The following PACSIN2 variants were observed in gnomAD, a reference collection of about 807,000 sequenced individuals.
The protein encoded by PACSIN2 is protein kinase C and casein kinase substrate in neurons protein 2.
Under a neutral mutation model 63.8 loss-of-function variants are expected in PACSIN2, and 25 were observed. That is an observed-to-expected ratio of 0.39 (90% confidence interval 0.29 to 0.55). The LOEUF is 0.55. Among genes scored for constraint, PACSIN2 ranks in the 20% least tolerant of loss-of-function variants. PACSIN2 has a pLI of 0.62. For missense variants in PACSIN2, 518 were observed against 646.9 expected (o/e 0.80, Z 2.16); for synonymous variants, 255 against 256.2 (o/e 1.00, Z 0.05).
intron 1 of PACSIN2, among the ~76,000 whole-genome samples, chr22:42,955,137 T>A (rs1933859568): frequency 6.6e-6 from 1 of 152,166 alleles, no homozygotes; most frequent in Admixed American, 6.5e-5. Flanking sequence ...CTCACCACCC[T>A]GCTGCTTAGA....
chr22:42,998,379 C>T (rs1450719176), intron 1 of PACSIN2, among the ~76,000 whole-genome samples: 4 of 152,154 alleles, frequency 2.6e-5, no homozygotes. Context: ...GCCACACTGG[C>T]CTCCATCTCC....
chr22:42,910,455 G>T (rs977387768), intron 2 of PACSIN2, among the ~76,000 whole-genome samples: 6 of 152,156 alleles, frequency 3.9e-5, no homozygotes, highest in Admixed American at 2.0e-4. Context: ...AGCCTCTCTG[G>T]GGGGGCCAGC....
Position 42,898,421 on chromosome 22 carries a change from G to A in PACSIN2, c.61-4808C>T, listed in dbSNP as rs553382873. Among the ~76,000 whole-genome samples, 41 of 152,054 alleles carry A rather than the reference G, an allele frequency of 2.7e-4. 1 individual carries two copies. Among genetic ancestry groups the A allele is most frequent in the African/African-American group, 6.3e-4 (26 of 41,450 alleles). ...CGAGTAGCTGGGATTACAGACATGC[G>A]CCACCACGCCCAGCTAATTTTGTAT... On this transcript the variant is annotated intron_variant, in intron 2 of 10. Coordinates refer to ENST00000263246, the MANE Select transcript of PACSIN2 (RefSeq NM_001184970.3).
At chr22:42,957,705 T>C (rs1347137325) in intron 1 of PACSIN2, among the ~76,000 whole-genome samples, 1 of 152,228 alleles carries the variant, frequency 6.6e-6, no homozygotes, top group Non-Finnish European at 1.5e-5. Context: ...AGAGTCAGTA[T>C]TCCCTTATAG....
chr22:42,925,043 C>T (rs1392823078), intron 1 of PACSIN2, among the ~76,000 whole-genome samples: 4 of 151,998 alleles, frequency 2.6e-5, no homozygotes, highest in Non-Finnish European at 5.9e-5. Context: ...TGCGTCCGGC[C>T]CCAGTGAGAA....
chr22:43,003,870 G>A (rs941838661), intron 1 of PACSIN2, among the ~76,000 whole-genome samples: 1 of 152,126 alleles, frequency 6.6e-6, no homozygotes, highest in African/African-American at 2.4e-5. Flanking sequence ...CATGGGGTGG[G>A]TGTACCAGCG....
At chr22:42,917,835 G>T (rs879870438) in intron 1 of PACSIN2, among the ~76,000 whole-genome samples, 1 of 151,718 alleles carries the variant, frequency 6.6e-6, no homozygotes, top group Non-Finnish European at 1.5e-5. Context: ...ATGTTGCCCC[G>T]GCTGGCCTTT....
At chr22:42,952,219 G>A (rs1452889888) in intron 1 of PACSIN2, among the ~76,000 whole-genome samples, 2 of 152,164 alleles carry the variant, frequency 1.3e-5, no homozygotes, top group Non-Finnish European at 2.9e-5. Flanking sequence ...AACACAACTA[G>A]AATGAATGAG....
intron 1 of PACSIN2, among the ~76,000 whole-genome samples, chr22:42,915,105 C>T (rs901561567): frequency 1.3e-5 from 2 of 152,148 alleles, no homozygotes; most frequent in Non-Finnish European, 2.9e-5. Context: ...TGGGCTCAAG[C>T]GTTCCTCCTG....
intron 1 of PACSIN2, among the ~76,000 whole-genome samples, chr22:42,918,319 G>A (rs1317034498): frequency 6.6e-6 from 1 of 152,160 alleles, no homozygotes; most frequent in Non-Finnish European, 1.5e-5. Flanking sequence ...ATTGCCTGGA[G>A]TCTGCCATGT....
At chr22:43,002,595 A>T (rs1305865180) in intron 1 of PACSIN2, among the ~76,000 whole-genome samples, 1 of 152,004 alleles carries the variant, frequency 6.6e-6, no homozygotes, top group Admixed American at 6.6e-5. Context: ...CCATTTTTTC[A>T]CCCAAAAAAT....
intron 1 of PACSIN2, among the ~76,000 whole-genome samples, chr22:42,989,883 TATAC>T (rs751068783): frequency 3.2e-4 from 44 of 136,220 alleles, no homozygotes; most frequent in East Asian, 8.0e-4. Context: ...TATATATATA[TATAC>T]ACACACACAC....
chr22:42,990,501 G>C (rs1357495628), intron 1 of PACSIN2, among the ~76,000 whole-genome samples: 1 of 152,210 alleles, frequency 6.6e-6, no homozygotes. Flanking sequence ...TGGGGACGGG[G>C]GTGGACCATC....
Position 42,879,093 on chromosome 22 carries a change from C to A in PACSIN2, c.983G>T (p.Gly328Val), listed in dbSNP as rs868698037. The change falls in exon 8 of 11, where the codon GGC becomes GTC. Residue 328 changes from glycine (G) to valine (V), a missense_variant. Coordinates refer to ENST00000263246, the MANE Select transcript of PACSIN2 (RefSeq NM_001184970.3). ...KKATDGVTLT[G>V]INQTGDQSLP... ...AGACTGGTCGCCTGTCTGGTTGATG[C>A]CCGTCAGGGTGACGCCGTCAGTGGC... 1.2e-6 allele frequency: 2 copies of A among 1,613,962 alleles called. No homozygotes were observed. Among genetic ancestry groups the A allele is most frequent in the Non-Finnish European group, 1.7e-6 (2 of 1,179,978 alleles).
intron 1 of PACSIN2, among the ~76,000 whole-genome samples, chr22:42,914,742 G>T (rs1931699452): frequency 6.6e-6 from 1 of 152,216 alleles, no homozygotes; most frequent in East Asian, 1.9e-4. Flanking sequence ...GGAAGAGCAG[G>T]CCCCTGCTCC....
At chr22:42,982,887 A>AAACAAAAAAAAAC (rs1922307294) in intron 1 of PACSIN2, among the ~76,000 whole-genome samples, 1 of 129,498 alleles carries the variant, frequency 7.7e-6, no homozygotes, top group Non-Finnish European at 1.7e-5. Context: ...AAAAAAAAAA[A>AAACAAAAAAAAAC]AAACAACAAC....
chr22:42,983,040 G>C (rs1922333572), intron 1 of PACSIN2, among the ~76,000 whole-genome samples: 1 of 151,568 alleles, frequency 6.6e-6, no homozygotes, highest in African/African-American at 2.4e-5. Context: ...AATTAGGCCG[G>C]GCACAGTGGC....
chr22:42,994,766 C>T (rs962375284), intron 1 of PACSIN2, among the ~76,000 whole-genome samples: 1 of 152,220 alleles, frequency 6.6e-6, no homozygotes, highest in Non-Finnish European at 1.5e-5. Flanking sequence ...CCACATGCCC[C>T]ACCTACGGGA....
intron 1 of PACSIN2, among the ~76,000 whole-genome samples, chr22:43,012,200 T>A (rs911358518): frequency 1.6e-4 from 16 of 101,844 alleles, no homozygotes; most frequent in East Asian, 2.9e-4. Flanking sequence ...CATACATACA[T>A]ACAAACATAC....
Sources: allele counts gnomAD v4.1 joint callset (sites outside exome capture counted in the v4.1 genomes callset), GRCh38; gene constraint gnomAD v4.1.1; transcripts MANE v1.5; gene names NCBI Gene and HGNC (gene_info 2026-07-23, HGNC 2026-07-21).